Variants in CCT6A observed in about 807,000 individuals in gnomAD.
CCT6A encodes the protein T-complex protein 1 subunit zeta.
Under a neutral mutation model 58.6 loss-of-function variants are expected in CCT6A, and 6 were observed. The observed-to-expected ratio is 0.10, with a 90% CI of 0.06 to 0.20. The LOEUF is 0.20. Ranked by LOEUF, CCT6A falls within the 10% of genes least tolerant of loss-of-function variation. The probability of loss-of-function intolerance (pLI) is 1.00; values close to 1 mark genes in which losing one functional copy is unlikely to be tolerated. For synonymous variants in CCT6A, 245 were observed against 227.8 expected (o/e 1.08, Z -0.68); for missense variants, 516 against 648.8 (o/e 0.80, Z 2.22).
chr7:56,058,908 C>A, intron 8 of CCT6A: 1 of 387,728 alleles, frequency 2.6e-6, no homozygotes. Flanking sequence ...AGTTACTCCC[C>A]ATTTCTCCCT....
chr7:56,054,292 C>A, intron 2 of CCT6A, 77 bp from the exon 3 acceptor site: 1 of 1,266,328 alleles, frequency 7.9e-7, no homozygotes. Context: ...TCAAAGAGGC[C>A]CTTCCTGCAT....
chr7:56,063,456 ATTG>A lies in CCT6A; in HGVS notation c.*374_*376del, dbSNP rs1043060883. On this transcript the variant is annotated 3_prime_UTR_variant, in exon 14 of 14. Coordinates refer to ENST00000275603, the MANE Select transcript of CCT6A (RefSeq NM_001762.4). ...GTATGTTAAATTATCCAACTACCCTATTGTTAAGCATTTGGTTTTAAAATTTTT... is the reference window on the plus strand; with the variant it reads ...GTATGTTAAATTATCCAACTACCCTATTAAGCATTTGGTTTTAAAATTTTT... 27 of 202,246 alleles carry A rather than the reference ATTG, an allele frequency of 1.3e-4. No individual in the cohort carries two copies. The highest frequency in any genetic ancestry group is 3.2e-4 in the Admixed American group (6 of 18,702). The allele number at this position is 202,246 out of a possible 1,614,324, so 12.5% of individuals were successfully genotyped here.
intron 9 of CCT6A, chr7:56,059,893 T>A: frequency 4.9e-6 from 2 of 410,128 alleles, no homozygotes. Flanking sequence ...TAGAAACAGG[T>A]TCATAATTGT....
intron 9 of CCT6A, 147 bp downstream of exon 9, chr7:56,059,787 C>T: frequency 1.8e-6 from 1 of 566,566 alleles, no homozygotes; most frequent in Non-Finnish European, 3.1e-6. Context: ...TTCCTGGGTT[C>T]AAGTGATCCT....
chr7:56,057,708 G>A (rs1282971005), intron 5 of CCT6A, among the ~76,000 whole-genome samples: 1 of 152,056 alleles, frequency 6.6e-6, no homozygotes, highest in Non-Finnish European at 1.5e-5. Context: ...GTGAAACCCC[G>A]TCTCTACTAA....
intron 1 of CCT6A, 148 bp downstream of exon 1, chr7:56,052,133 T>G (rs1253472396): frequency 1.4e-6 from 1 of 726,810 alleles, no homozygotes; most frequent in East Asian, 3.1e-5. Flanking sequence ...GTGTCCCTCC[T>G]AAGCCCCACC....
In CCT6A at chr7:56,060,385, C is replaced by T; in HGVS notation, c.1182C>T (p.Gly394=). The change falls in exon 10 of 14, where the codon GGC becomes GGT. Residue 394 remains glycine (G), a synonymous_variant. Transcript: ENST00000275603. ...LTQIKDAVRD[G]LRAVKNAIDD... ...AGATCAAAGATGCAGTGAGGGACGG[C>T]TTGAGGGCTGTCAAAAATGCTATTG... 2 of 1,614,038 alleles carry T rather than the reference C, an allele frequency of 1.2e-6. No individual in the cohort carries two copies. The highest frequency in any genetic ancestry group is 2.2e-5 in the East Asian group (1 of 44,876).
chr7:56,056,508 A>G (rs1319334687), intron 5 of CCT6A, 94 bp downstream of exon 5: 1 of 713,250 alleles, frequency 1.4e-6, no homozygotes, highest in Admixed American at 2.2e-5. Context: ...AAATCACCTC[A>G]GGTCAGGAGT....
At position 56,051,847 on chromosome 7, in the gene CCT6A, C is replaced by T. The variant is rs779908729; in HGVS notation, c.-2C>T. 2.6e-6 allele frequency: 4 copies of T among 1,558,628 alleles called. No homozygotes were observed. The highest frequency in any genetic ancestry group is 3.5e-6 in the Non-Finnish European group (4 of 1,151,992). ...GTTTCCTTTTCCTCCGCTGGAGCAGCTATGGCGGCGGTGAAGACCCTGAAC... is the reference window on the plus strand; with the variant it reads ...GTTTCCTTTTCCTCCGCTGGAGCAGTTATGGCGGCGGTGAAGACCCTGAAC... On this transcript the variant is annotated 5_prime_UTR_variant, in exon 1 of 14. Coordinates refer to ENST00000275603, the MANE Select transcript of CCT6A (RefSeq NM_001762.4).
chr7:56,056,695 C>T (rs1206803058), intron 5 of CCT6A, among the ~76,000 whole-genome samples: 2 of 151,168 alleles, frequency 1.3e-5, no homozygotes, highest in East Asian at 3.9e-4. Flanking sequence ...GCACTCCAGC[C>T]TGGGTGACAA....
At chr7:56,058,834 T>C in intron 8 of CCT6A, 132 bp downstream of exon 8, 1 of 573,290 alleles carries the variant, frequency 1.7e-6, no homozygotes, top group Non-Finnish European at 3.2e-6. Context: ...GTGCACCCCG[T>C]CAGCACTGTC....
At chr7:56,058,181 T>C (rs1314240818) in intron 6 of CCT6A, 78 bp downstream of exon 6, 1 of 999,276 alleles carries the variant, frequency 1.0e-6, no homozygotes, top group Non-Finnish European at 1.6e-6. Flanking sequence ...AAACTTTGTT[T>C]CCCACTGTAA....
intron 9 of CCT6A, chr7:56,059,853 G>C: frequency 2.1e-6 from 1 of 468,272 alleles, no homozygotes; most frequent in Non-Finnish European, 3.8e-6. Flanking sequence ...ACCATGACTG[G>C]CTAATTTTTT....
Position 56,058,525 on chromosome 7 carries a change from AGAAT to A in CCT6A, c.885+8_885+11del. On this transcript the variant is annotated splice_donor_5th_base_variant and intron_variant, in intron 7 of 13. Coordinates refer to ENST00000275603, the MANE Select transcript of CCT6A (RefSeq NM_001762.4). ...ATTTGTTGTTATTAATCAAAAGGTGAGAATGAAAACTCAATGTATAAACTAAATA... is the reference window on the plus strand; with the variant it reads ...ATTTGTTGTTATTAATCAAAAGGTGAGAAAACTCAATGTATAAACTAAATA... 6.3e-7 allele frequency: 1 copy of A among 1,590,942 alleles called. No homozygotes were observed. Among genetic ancestry groups the A allele is most frequent in the Non-Finnish European group, 8.5e-7 (1 of 1,170,858 alleles).
In CCT6A at chr7:56,058,080, C is replaced by G; in HGVS notation, c.702C>G (p.Asn234Lys). 1 of 1,597,952 alleles carries G rather than the reference C, an allele frequency of 6.3e-7. No individual in the cohort carries two copies. Among genetic ancestry groups the G allele is most frequent in the East Asian group, 2.2e-5 (1 of 44,804 alleles). The change falls in exon 6 of 14, where the codon AAC becomes AAG. Residue 234 changes from asparagine (N) to lysine (K), a missense_variant. Asn to Lys is a moderately conservative substitution (Grantham distance 94, BLOSUM62 0). Transcript: ENST00000275603. Reference protein sequence around the residue: ...RVEDAYILTCNVSLEYEKTEV... With the variant: ...RVEDAYILTCKVSLEYEKTEV... Reference sequence around the variant, plus strand: ...AGGATGCATACATCCTCACTTGTAACGTGTCATTAGAGTATGAGAAAACGT... The same window carrying G: ...AGGATGCATACATCCTCACTTGTAAGGTGTCATTAGAGTATGAGAAAACGT...
At chr7:56,062,529 T>C in intron 12 of CCT6A, 154 bp from the exon 13 acceptor site, 1 of 681,328 alleles carries the variant, frequency 1.5e-6, no homozygotes, top group Non-Finnish European at 2.6e-6. Flanking sequence ...TGGACGGGGG[T>C]CATGGTTTAG....
At chr7:56,053,982 A>G (rs1794248626) in intron 2 of CCT6A, among the ~76,000 whole-genome samples, 1 of 152,138 alleles carries the variant, frequency 6.6e-6, no homozygotes, top group African/African-American at 2.4e-5. Flanking sequence ...AAAATTACAA[A>G]CCTACAAAAA....
Position 56,063,906 on chromosome 7 carries a change from G to T in CCT6A, c.*821G>T. The T allele has an allele frequency of 3.4e-6, 1 of 291,784 alleles. No individual in the cohort carries two copies. The highest frequency in any genetic ancestry group is 6.4e-6 in the Non-Finnish European group (1 of 156,118). 18.1% of individuals were successfully genotyped at this position (291,784 alleles called of 1,614,324 possible). A position where few individuals can be genotyped will look rare whatever the true frequency, so the allele number is the denominator to read the frequency against. Reference sequence around the variant, plus strand: ...GTCTATCTCTGCAGTCCTTGAAGGTGAAGTTGTGTGTTACTAGGCTGTGTT... The same window carrying T: ...GTCTATCTCTGCAGTCCTTGAAGGTTAAGTTGTGTGTTACTAGGCTGTGTT... On this transcript the variant is annotated 3_prime_UTR_variant, in exon 14 of 14. Coordinates refer to ENST00000275603, the MANE Select transcript of CCT6A (RefSeq NM_001762.4).
intron 11 of CCT6A, 83 bp downstream of exon 11, chr7:56,061,023 G>A: frequency 7.0e-7 from 1 of 1,426,212 alleles, no homozygotes; most frequent in Non-Finnish European, 9.4e-7. Flanking sequence ...TTCATAAAGT[G>A]GATTTTGGAT....
Sources: gnomAD v4.1 joint callset for allele counts (sites outside exome capture counted in the v4.1 genomes callset) on GRCh38, gnomAD v4.1.1 for gene constraint, MANE v1.5 for transcripts, NCBI Gene and HGNC (gene_info 2026-07-23, HGNC 2026-07-21) for gene names.